BBOF1: variants seen among roughly 807,000 people sequenced by gnomAD.
BBOF1 encodes basal body orientation factor 1, also known as basal body-orientation factor 1.
A neutral mutation model predicts 68.0 loss-of-function variants in BBOF1; 62 were observed. The ratio of observed to expected loss-of-function variants is 0.91; its 90% CI spans 0.74 to 1.13. BBOF1 has a LOEUF of 1.13. Ranked by LOEUF, BBOF1 falls within the 50% of genes most tolerant of loss-of-function variation. BBOF1 has a pLI of 0.00. For missense variants in BBOF1, 534 were observed against 600.1 expected (o/e 0.89, Z 1.15); for synonymous variants, 208 against 198.8 (o/e 1.05, Z -0.39).
At chr14:74,053,107 T>A (rs1595080835) in intron 8 of BBOF1, among the ~76,000 whole-genome samples, 2 of 152,056 alleles carry the variant, frequency 1.3e-5, no homozygotes, top group African/African-American at 2.4e-5. Flanking sequence ...CTAGACTTTT[T>A]AATTTAATTA....
chr14:74,067,622 G>T, downstream of BBOF1: 1 of 1,588,966 alleles, frequency 6.3e-7, no homozygotes. Context: ...ATACAACTAA[G>T]CTAAGAAATT....
intron 9 of BBOF1, among the ~76,000 whole-genome samples, chr14:74,073,296 G>T (rs1349266933): frequency 6.6e-6 from 1 of 151,756 alleles, no homozygotes; most frequent in Non-Finnish European, 1.5e-5. Flanking sequence ...GATAGAGACG[G>T]GGTTTGGCCA....
At chr14:74,033,659 G>A (rs754101621) in intron 3 of BBOF1, among the ~76,000 whole-genome samples, 7 of 152,026 alleles carry the variant, frequency 4.6e-5, no homozygotes, top group African/African-American at 7.2e-5. Context: ...AGTGGATCAC[G>A]AGGTCAGGAG....
intron 1 of BBOF1, among the ~76,000 whole-genome samples, chr14:74,021,799 C>G (rs556983767): frequency 6.6e-5 from 10 of 151,452 alleles, no homozygotes; most frequent in Non-Finnish European, 8.8e-5. Flanking sequence ...CCCAGCTACT[C>G]GGGAGGCTGA....
At chr14:74,071,063 A>G, downstream of BBOF1, 1 of 947,596 alleles carries the variant, frequency 1.1e-6, no homozygotes, top group Non-Finnish European at 1.7e-6. Flanking sequence ...TCATCAACAA[A>G]CATGGAGGTT....
chr14:74,022,400 T>C (rs1035011929), intron 1 of BBOF1, among the ~76,000 whole-genome samples: 2 of 151,996 alleles, frequency 1.3e-5, no homozygotes, highest in African/African-American at 2.4e-5. Context: ...GTACAAAAAT[T>C]AGCTGGGCAT....
chr14:74,041,691 G>T (rs1048898414), intron 5 of BBOF1, among the ~76,000 whole-genome samples: 6 of 151,972 alleles, frequency 3.9e-5, no homozygotes, highest in Non-Finnish European at 7.4e-5. Context: ...AAGTAGTTGG[G>T]GCTACAGGCA....
chr14:74,075,994 T>G (rs928644531), intron 9 of BBOF1, among the ~76,000 whole-genome samples: 1 of 152,218 alleles, frequency 6.6e-6, no homozygotes, highest in Non-Finnish European at 1.5e-5. Flanking sequence ...TACTGTATGA[T>G]TCTACTTATG....
intron 9 of BBOF1, among the ~76,000 whole-genome samples, chr14:74,075,219 A>G (rs1213318533): frequency 6.6e-6 from 1 of 152,298 alleles, no homozygotes; most frequent in East Asian, 1.9e-4. Context: ...ATCATGTCCT[A>G]TATTTCCAGG....
At chr14:74,078,145 T>G in intron 9 of BBOF1, 3 of 452,752 alleles carry the variant, frequency 6.6e-6, no homozygotes, top group South Asian at 4.7e-5. Flanking sequence ...CTCCCAATTC[T>G]ACTAATTCCT....
intron 9 of BBOF1, chr14:74,072,434 G>C: frequency 6.2e-7 from 1 of 1,613,446 alleles, no homozygotes; most frequent in Non-Finnish European, 8.5e-7. Flanking sequence ...AGTCACAGAA[G>C]TGGCACTATG....
At chr14:74,068,111 A>G (rs1333825002), downstream of BBOF1, among the ~76,000 whole-genome samples, 3 of 150,762 alleles carry the variant, frequency 2.0e-5, no homozygotes, top group Non-Finnish European at 4.4e-5. Context: ...GAGGCCAGGC[A>G]TGGTGGCTCA....
chr14:74,056,527 G>C (rs1205227938), intron 9 of BBOF1, among the ~76,000 whole-genome samples: 1 of 151,378 alleles, frequency 6.6e-6, no homozygotes, highest in Admixed American at 6.6e-5. Context: ...GTAAAGACAG[G>C]GTTTCACCAT....
chr14:74,032,118 A>AT (rs780515040), intron 3 of BBOF1, among the ~76,000 whole-genome samples: 13,304 of 99,584 alleles, frequency 0.13, 1,804 homozygotes, highest in East Asian at 0.5. Context: ...CTCAAAGTTG[A>AT]TTTTTTTTTT....
intron 11 of BBOF1, chr14:74,059,182 G>A: frequency 4.6e-6 from 1 of 219,618 alleles, no homozygotes; most frequent in South Asian, 5.1e-5. Flanking sequence ...GTCATGGAAA[G>A]CTTCGAAATT....
At chr14:74,053,805 G>A (rs547922280) in intron 8 of BBOF1, among the ~76,000 whole-genome samples, 88 of 151,696 alleles carry the variant, frequency 5.8e-4, no homozygotes, top group African/African-American at 2.0e-3. Flanking sequence ...TCCACCTCCC[G>A]GGTTTAAGCG....
rs369823994 is a variant in BBOF1 at position 74,022,552 on chromosome 14, G to GA, written c.57-354dup. Among the ~76,000 whole-genome samples the GA allele has an allele frequency of 3.8e-3, 560 of 147,840 alleles. 5 individuals carry two copies. Among genetic ancestry groups the GA allele is most frequent in the African/African-American group, 0.013 (516 of 40,438 alleles). ...ACACAGCCAGGCCCAGTTTCAAAAA[G>GA]AAAAAAAAAAGATATGAAAGCTTTC... On this transcript the variant is annotated intron_variant, in intron 1 of 11. Transcript: ENST00000394009.
At chr14:74,082,331 T>G (rs948613741) in intron 12 of BBOF1, among the ~76,000 whole-genome samples, 1 of 151,538 alleles carries the variant, frequency 6.6e-6, no homozygotes, top group African/African-American at 2.4e-5. Flanking sequence ...TTGAAAACAT[T>G]AACTTTCTCC....
In BBOF1 at chr14:74,023,127, C is replaced by T. The variant is rs1299595964; in HGVS notation, c.268C>T (p.Gln90Ter). The T allele has an allele frequency of 6.3e-7, 1 of 1,580,528 alleles. No individual in the cohort carries two copies. Among genetic ancestry groups the T allele is most frequent in the Non-Finnish European group, 8.6e-7 (1 of 1,161,900 alleles). Residue 90 changes from glutamine (Q) to a stop codon, truncating the protein, a stop_gained, in exon 2 of 12, where the codon CAG (glutamine) becomes TAG (stop). Coordinates refer to ENST00000394009, the MANE Select transcript of BBOF1 (RefSeq NM_025057.3). LOFTEE classifies it high-confidence loss of function. ...SVLSYLKKQD[Q>*]EKDNMIEKLK... ...ATTAAGTTACCTGAAGAAGCAGGAT[C>T]AGGAGAAAGATAATATGGTAGGTAG...
Sources: allele counts gnomAD v4.1 joint callset (sites outside exome capture counted in the v4.1 genomes callset), GRCh38; gene constraint gnomAD v4.1.1; transcripts MANE v1.5; gene names NCBI Gene and HGNC (gene_info 2026-07-23, HGNC 2026-07-21).